Variants in ZDHHC14 observed in about 807,000 individuals in gnomAD.
ZDHHC14 encodes zDHHC palmitoyltransferase 14, also known as palmitoyltransferase ZDHHC14.
ZDHHC14 carries 16 observed loss-of-function variants against 47.7 expected under a neutral mutation model. The observed-to-expected ratio is 0.34, with a 90% CI of 0.23 to 0.51. The LOEUF (loss-of-function observed/expected upper bound fraction) is 0.51. Among genes scored for constraint, ZDHHC14 ranks in the 20% least tolerant of loss-of-function variants. ZDHHC14 has a pLI of 0.97. For missense variants in ZDHHC14, 515 were observed against 662.5 expected, an observed-to-expected ratio of 0.78 and a Z score of 2.44; for synonymous variants, 293 against 278.9, an observed-to-expected ratio of 1.05 and a Z score of -0.50.
At chr6:157,578,842 A>T (rs1783404437) in intron 2 of ZDHHC14, among the ~76,000 whole-genome samples, 2 of 152,114 alleles carry the variant, frequency 1.3e-5, no homozygotes, top group Admixed American at 1.3e-4. Context: ...GTCATGTGGA[A>T]CTGTGAGTCA....
intron 5 of ZDHHC14, among the ~76,000 whole-genome samples, chr6:157,634,098 C>T (rs2114961994): frequency 6.6e-6 from 1 of 152,224 alleles, no homozygotes; most frequent in South Asian, 2.1e-4. Flanking sequence ...AAATGTGATC[C>T]TATAAATATA....
intron 4 of ZDHHC14, chr6:157,629,663 C>G (rs1562517270): frequency 1.3e-5 from 2 of 152,178 alleles, no homozygotes; most frequent in African/African-American, 2.4e-5. Flanking sequence ...TGACTATAAT[C>G]TTTCATCCAA....
At chr6:157,627,913 A>G (rs113611145) in intron 3 of ZDHHC14, among the ~76,000 whole-genome samples, 6 of 152,142 alleles carry the variant, frequency 3.9e-5, no homozygotes, top group Admixed American at 2.6e-4. Flanking sequence ...GCCTCTCTCT[A>G]TGGCCATTTA....
chr6:157,574,477 C>T (rs1296272029), intron 2 of ZDHHC14, among the ~76,000 whole-genome samples: 3 of 152,086 alleles, frequency 2.0e-5, no homozygotes, highest in Admixed American at 1.3e-4. Flanking sequence ...CAGCCTAGGC[C>T]CTTCCTCTGA....
intron 1 of ZDHHC14, among the ~76,000 whole-genome samples, chr6:157,448,377 A>G (rs757095547): frequency 6.6e-6 from 1 of 152,202 alleles, no homozygotes; most frequent in Non-Finnish European, 1.5e-5. Context: ...GCGGATATCT[A>G]TAAATGTCTA....
At chr6:157,639,497 G>T (rs1777144750) in intron 5 of ZDHHC14, among the ~76,000 whole-genome samples, 1 of 152,024 alleles carries the variant, frequency 6.6e-6, no homozygotes, top group African/African-American at 2.4e-5. Context: ...GTAGAGATGG[G>T]GTTTCACCAT....
chr6:157,459,981 G>A (rs1779028952), intron 1 of ZDHHC14, among the ~76,000 whole-genome samples: 1 of 150,458 alleles, frequency 6.6e-6, no homozygotes, highest in African/African-American at 2.4e-5. Flanking sequence ...GGAGGCTGAG[G>A]TAGGAGGATC....
chr6:157,550,659 A>G (rs1425447114), intron 2 of ZDHHC14, among the ~76,000 whole-genome samples: 1 of 152,232 alleles, frequency 6.6e-6, no homozygotes, highest in Non-Finnish European at 1.5e-5. Flanking sequence ...TCTAGCGACC[A>G]CAGTGTTTCC....
At chr6:157,544,095 T>G (rs990817588) in intron 2 of ZDHHC14, among the ~76,000 whole-genome samples, 1 of 152,212 alleles carries the variant, frequency 6.6e-6, no homozygotes, top group African/African-American at 2.4e-5. Context: ...AACCCAGGTT[T>G]CCAGATTTCA....
intron 3 of ZDHHC14, among the ~76,000 whole-genome samples, chr6:157,609,721 A>C (rs1474236417): frequency 6.6e-6 from 1 of 152,212 alleles, no homozygotes; most frequent in African/African-American, 2.4e-5. Context: ...CTGAGCTTGC[A>C]GATGGTGGCC....
At chr6:157,391,477 C>T (rs1777417909) in intron 1 of ZDHHC14, among the ~76,000 whole-genome samples, 1 of 152,204 alleles carries the variant, frequency 6.6e-6, no homozygotes, top group Non-Finnish European at 1.5e-5. Flanking sequence ...TCTCTAGTCT[C>T]CTGCCCTACC....
intron 1 of ZDHHC14, among the ~76,000 whole-genome samples, chr6:157,511,663 G>A (rs148541433): frequency 0.011 from 1,722 of 151,618 alleles, 17 homozygotes; most frequent in Non-Finnish European, 0.018. Context: ...CAAAGTGCTG[G>A]GTTTACAGGC....
At chr6:157,562,704 A>C (rs544923078) in intron 2 of ZDHHC14, among the ~76,000 whole-genome samples, 1 of 152,332 alleles carries the variant, frequency 6.6e-6, no homozygotes, top group African/African-American at 2.4e-5. Flanking sequence ...GGACCTGGGA[A>C]TCTGCATCTA....
chr6:157,661,009 A>G (rs1778322050), intron 8 of ZDHHC14, among the ~76,000 whole-genome samples: 1 of 152,154 alleles, frequency 6.6e-6, no homozygotes, highest in Admixed American at 6.5e-5. Flanking sequence ...GTTTCAGGCA[A>G]AGCTTCCTGG....
intron 2 of ZDHHC14, among the ~76,000 whole-genome samples, chr6:157,573,278 C>T (rs1267316743): frequency 1.3e-5 from 2 of 152,184 alleles, no homozygotes; most frequent in South Asian, 2.1e-4. Context: ...ACCCTTGCAC[C>T]GGGTGCACCC....
chr6:157,464,364 C>T (rs956530896), intron 1 of ZDHHC14, among the ~76,000 whole-genome samples: 9 of 152,100 alleles, frequency 5.9e-5, no homozygotes, highest in African/African-American at 9.7e-5. Context: ...CATTTATTTG[C>T]CTTTTCTCCT....
intron 2 of ZDHHC14, among the ~76,000 whole-genome samples, chr6:157,585,626 C>T (rs1011700061): frequency 6.6e-6 from 1 of 152,176 alleles, no homozygotes; most frequent in Admixed American, 6.5e-5. Flanking sequence ...GGGTTTCAAG[C>T]CCCCTTGTTC....
intron 7 of ZDHHC14, among the ~76,000 whole-genome samples, chr6:157,648,366 G>A (rs543846908): frequency 2.6e-5 from 4 of 152,202 alleles, no homozygotes; most frequent in African/African-American, 9.6e-5. Context: ...TTACCGATAT[G>A]CGCTTGTGGA....
chr6:157,672,682 C>T, intron 8 of ZDHHC14, 42 bp from the exon 9 acceptor site: 1 of 1,602,848 alleles, frequency 6.2e-7, no homozygotes, highest in South Asian at 1.1e-5. Context: ...CCTCTGCCCC[C>T]TCCTCTCCAC....
Sources: allele counts gnomAD v4.1 joint callset (sites outside exome capture counted in the v4.1 genomes callset), GRCh38; gene constraint gnomAD v4.1.1; transcripts MANE v1.5; gene names NCBI Gene and HGNC (gene_info 2026-07-23, HGNC 2026-07-21).